Variants in ASNS observed in about 807,000 individuals in gnomAD.
ASNS encodes asparagine synthetase [glutamine-hydrolyzing].
Under a neutral mutation model 62.6 loss-of-function variants are expected in ASNS, and 37 were observed. The observed-to-expected ratio is 0.59, with a 90% CI of 0.45 to 0.78. The LOEUF is 0.78. ASNS is among the 30% of genes least tolerant of loss of function. The pLI is 0.00. For missense variants in ASNS, 520 were observed against 682.4 expected, an observed-to-expected ratio of 0.76 and a Z score of 2.65; for synonymous variants, 207 against 237.9, an observed-to-expected ratio of 0.87 and a Z score of 1.19.
the ASNS span, among the ~76,000 whole-genome samples, chr7:97,879,251 C>G: frequency 6.6e-6 from 1 of 152,102 alleles, no homozygotes; most frequent in Non-Finnish European, 1.5e-5. Flanking sequence ...GACTTCATGT[C>G]TAAAACACCA....
At chr7:97,909,194 C>T in the ASNS span, among the ~76,000 whole-genome samples, 3 of 151,956 alleles carry the variant, frequency 2.0e-5, no homozygotes, top group Non-Finnish European at 2.9e-5. Flanking sequence ...GATGATGCTT[C>T]TTCCTCCAGC....
chr7:97,887,284 C>G, the ASNS span, among the ~76,000 whole-genome samples: 2 of 152,188 alleles, frequency 1.3e-5, no homozygotes, highest in Non-Finnish European at 2.9e-5. Flanking sequence ...CAGTCAGGCC[C>G]CCATTGCCTG....
the ASNS span, among the ~76,000 whole-genome samples, chr7:97,911,584 G>A: frequency 5.9e-5 from 9 of 151,876 alleles, no homozygotes; most frequent in African/African-American, 9.7e-5. Flanking sequence ...CAAGGCTGCA[G>A]TGAGCCAAGG....
rs1347461167 is a variant in ASNS, at chr7:97,852,391, G to A, written c.1554C>T (p.Tyr518=). 1 of 1,614,158 alleles carries A rather than the reference G, an allele frequency of 6.2e-7. No homozygotes were observed. Among genetic ancestry groups the A allele is most frequent in the Non-Finnish European group, 8.5e-7 (1 of 1,180,034 alleles). Residue 518 remains tyrosine, a synonymous_variant, in exon 13 of 13, where the codon TAC becomes TAT. Coordinates refer to ENST00000394308, the MANE Select transcript of ASNS (RefSeq NM_001673.5). ...NTPKTKEGYY[Y]RQVFERHYPG... Reference sequence around the variant, plus strand: ...GGTAATGGCGTTCAAAGACTTGACGGTAGTAATATCCTTCTTTGGTTTTAG... The same window carrying A: ...GGTAATGGCGTTCAAAGACTTGACGATAGTAATATCCTTCTTTGGTTTTAG...
In ASNS at chr7:97,864,329, T is replaced by C. The variant is rs1562820343; in HGVS notation, c.417A>G (p.Thr139=). 4.6e-5 allele frequency: 75 copies of C among 1,613,810 alleles called. No homozygotes were observed. The highest frequency in any genetic ancestry group is 6.4e-5 in the Non-Finnish European group (75 of 1,179,782). ...ANKKVFLGRD[T]YGVRPLFKAM... is the part of the protein sequence containing the mutation. ...CTTTAAACAAAGGTCTGACTCCATA[T>C]GTATCTCTACCCAGGAACACTTTCT... The change falls in exon 4 of 13, where the codon ACA becomes ACG. Residue 139 remains threonine, a synonymous_variant. Transcript: ENST00000394308.
chr7:97,872,631 C>A (rs1346095253), upstream of ASNS: 1 of 152,292 alleles, frequency 6.6e-6, no homozygotes, highest in African/African-American at 2.4e-5. Flanking sequence ...AGCCTCAGAG[C>A]TCCGCCCAGG....
the ASNS span, chr7:97,906,866 T>C: frequency 6.6e-6 from 1 of 151,932 alleles, no homozygotes; most frequent in African/African-American, 2.4e-5. Context: ...CAGGAGAAGA[T>C]TGATATCCCA....
At chr7:97,925,462 C>T in the ASNS span, among the ~76,000 whole-genome samples, 5 of 152,076 alleles carry the variant, frequency 3.3e-5, no homozygotes, top group Non-Finnish European at 4.4e-5. Flanking sequence ...TCTGGGGTAG[C>T]CATAGCTGGG....
chr7:97,864,125 A>T lies in ASNS; in HGVS notation c.487+134T>A, dbSNP rs2302088. 83,821 of 726,594 alleles carry T rather than the reference A, an allele frequency of 0.12. 5,432 individuals carry two copies. The highest frequency in any genetic ancestry group is 0.19 in the South Asian group (8,701 of 45,410). The allele number at this position is 726,594 out of a possible 1,614,324, so 45.0% of individuals were successfully genotyped here. A position where few individuals can be genotyped will look rare whatever the true frequency, so the allele number is the denominator to read the frequency against. ...GAGAGTACAACTCCTCTGTTTTTTTAAAAAAAGGTAAAGACTCATAACTTA... is the reference window on the plus strand; with the variant it reads ...GAGAGTACAACTCCTCTGTTTTTTTTAAAAAAGGTAAAGACTCATAACTTA... On this transcript the variant is annotated intron_variant, in intron 4 of 12. Transcript: ENST00000394308.
chr7:97,862,605 A>C (rs1791775940), intron 4 of ASNS, among the ~76,000 whole-genome samples: 1 of 152,210 alleles, frequency 6.6e-6, no homozygotes, highest in African/African-American at 2.4e-5. Context: ...ACCCTTATGT[A>C]AACTATGAAC....
chr7:97,875,734 A>G (rs1257307183), upstream of ASNS, among the ~76,000 whole-genome samples: 3 of 152,222 alleles, frequency 2.0e-5, no homozygotes, highest in African/African-American at 7.2e-5. Flanking sequence ...GAATAGCCAC[A>G]TTGATTTTCC....
chr7:97,884,601 A>T, the ASNS span, among the ~76,000 whole-genome samples: 1 of 152,194 alleles, frequency 6.6e-6, no homozygotes, highest in South Asian at 2.1e-4. Flanking sequence ...CAGGGACTTC[A>T]CTACGCTGTT....
At chr7:97,896,702 GTATATA>G in the ASNS span, among the ~76,000 whole-genome samples, 8 of 64,076 alleles carry the variant, frequency 1.2e-4, no homozygotes, top group Non-Finnish European at 1.9e-4. Flanking sequence ...GTATATATGT[GTATATA>G]TATACACACA....
the ASNS span, among the ~76,000 whole-genome samples, chr7:97,922,615 G>A: frequency 2.0e-5 from 3 of 152,090 alleles, no homozygotes; most frequent in Non-Finnish European, 4.4e-5. Context: ...AAGTCTGGGA[G>A]GTGATGTTAT....
In ASNS at chr7:97,858,939, A is replaced by T; in HGVS notation, c.690T>A (p.Thr230=). The change falls in exon 6 of 13, where the codon ACT becomes ACA. Residue 230 remains threonine, a synonymous_variant. Coordinates refer to ENST00000394308, the MANE Select transcript of ASNS (RefSeq NM_001673.5). ...EKLFPGFEIE[T]VKNNLRILFN... is the part of the protein sequence containing the mutation. Reference sequence around the variant, plus strand: ...AAAGGATCCTGAGGTTGTTCTTCACAGTTTCTATCTCAAAACCTATAAACA... The same window carrying T: ...AAAGGATCCTGAGGTTGTTCTTCACTGTTTCTATCTCAAAACCTATAAACA... 1 of 1,613,108 alleles carries T rather than the reference A, an allele frequency of 6.2e-7. No homozygotes were observed. Among genetic ancestry groups the T allele is most frequent in the Non-Finnish European group, 8.5e-7 (1 of 1,179,800 alleles).
chr7:97,859,222 G>A lies in ASNS; in HGVS notation c.664C>T (p.Leu222Phe), dbSNP rs1466050548. ...LHALYDNVEK[L>F]FPGFEIETVK... ...GGTGGGTGTCTGCTACCTGGAAAGAGTTTCTCCACATTGTCATAGAGGGCG... is the reference window on the plus strand; with the variant it reads ...GGTGGGTGTCTGCTACCTGGAAAGAATTTCTCCACATTGTCATAGAGGGCG... The change falls in exon 5 of 13, where the codon CTC becomes TTC. Residue 222 changes from leucine (L) to phenylalanine (F), a missense_variant. Coordinates refer to ENST00000394308, the MANE Select transcript of ASNS (RefSeq NM_001673.5). 6.2e-7 allele frequency: 1 copy of A among 1,605,106 alleles called. No individual in the cohort carries two copies. The highest frequency in any genetic ancestry group is 1.7e-5 in the Admixed American group (1 of 58,840).
the ASNS span, among the ~76,000 whole-genome samples, chr7:97,909,795 C>T: frequency 2.0e-5 from 3 of 152,162 alleles, no homozygotes; most frequent in Admixed American, 1.3e-4. Flanking sequence ...CAGGGCAAGA[C>T]CTCCACTTAA....
At chr7:97,905,878 C>G in the ASNS span, among the ~76,000 whole-genome samples, 5 of 152,152 alleles carry the variant, frequency 3.3e-5, no homozygotes, top group African/African-American at 1.2e-4. Flanking sequence ...CAAGAAAAAC[C>G]TTGATTATCC....
Position 97,854,075 on chromosome 7 carries a change from T to C in ASNS, c.1238+505A>G, listed in dbSNP as rs549264465. 6.6e-5 allele frequency among the ~76,000 whole-genome samples: 10 copies of C among 152,354 alleles called. 1 individual carries two copies. Among genetic ancestry groups the C allele is most frequent in the African/African-American group, 2.4e-4 (10 of 41,574 alleles). On this transcript the variant is annotated intron_variant, in intron 10 of 12. Transcript: ENST00000394308. The stretch of plus-strand genomic sequence containing the variant: ...CATAACTTTAGACAACTAGAAATGA[T>C]AACCAAAGAAACCTGGTTCTTTATA...
Sources: allele counts gnomAD v4.1 joint callset (sites outside exome capture counted in the v4.1 genomes callset), GRCh38; gene constraint gnomAD v4.1.1; transcripts MANE v1.5; gene names NCBI Gene and HGNC (gene_info 2026-07-23, HGNC 2026-07-21).